The following MTSS1 variants were observed in gnomAD, a reference collection of about 807,000 sequenced individuals.
The protein encoded by MTSS1 is protein MTSS 1.
Under a neutral mutation model 79.0 loss-of-function variants are expected in MTSS1, and 18 were observed. The observed-to-expected ratio is 0.23, with a 90% confidence interval of 0.16 to 0.34. The LOEUF (loss-of-function observed/expected upper bound fraction) is 0.34. Among genes scored for constraint, MTSS1 ranks in the 10% least tolerant of loss-of-function variants. The probability of loss-of-function intolerance (pLI) is 1.00; values close to 1 mark genes in which losing one functional copy is unlikely to be tolerated. For synonymous variants in MTSS1, 341 were observed against 368.6 expected (o/e 0.93, Z 0.86); for missense variants, 815 against 986.2 (o/e 0.83, Z 2.33).
chr8:124,665,659 G>A (rs1563959829), intron 3 of MTSS1, among the ~76,000 whole-genome samples: 2 of 152,124 alleles, frequency 1.3e-5, no homozygotes, highest in Non-Finnish European at 2.9e-5. Context: ...CCTGAGGTTG[G>A]GAGTTCGAGA....
intron 11 of MTSS1, among the ~76,000 whole-genome samples, chr8:124,556,746 C>T (rs1823905488): frequency 6.6e-6 from 1 of 152,286 alleles, no homozygotes; most frequent in African/African-American, 2.4e-5. Context: ...CTTCTCCTGT[C>T]TGAAGGGACC....
At chr8:124,608,933 G>A (rs1835304017) in intron 3 of MTSS1, among the ~76,000 whole-genome samples, 1 of 152,174 alleles carries the variant, frequency 6.6e-6, no homozygotes, top group African/African-American at 2.4e-5. Flanking sequence ...GTATACACAA[G>A]GATCACCAGG....
intron 11 of MTSS1, 109 bp from the exon 12 acceptor site, chr8:124,556,514 A>C (rs1586766224): frequency 8.0e-7 from 1 of 1,247,702 alleles, no homozygotes; most frequent in East Asian, 2.5e-5. Flanking sequence ...CTTAAGGGGA[A>C]CCTCCGGCTG....
At chr8:124,722,511 A>G (rs1230919283) in intron 1 of MTSS1, among the ~76,000 whole-genome samples, 3 of 152,152 alleles carry the variant, frequency 2.0e-5, no homozygotes, top group Non-Finnish European at 4.4e-5. Flanking sequence ...CTCAGATGAA[A>G]CCTGCAGTCT....
At chr8:124,642,586 T>C (rs1818256679) in intron 3 of MTSS1, among the ~76,000 whole-genome samples, 2 of 151,270 alleles carry the variant, frequency 1.3e-5, no homozygotes, top group South Asian at 4.2e-4. Flanking sequence ...CTGGGTTTTT[T>C]CTTTTTTCTT....
chr8:124,688,168 A>G (rs1307984528), intron 3 of MTSS1, among the ~76,000 whole-genome samples: 3 of 152,064 alleles, frequency 2.0e-5, no homozygotes, highest in African/African-American at 7.2e-5. Flanking sequence ...GTATGTGCGT[A>G]CGTGTGCGTG....
rs758832185 is a variant in MTSS1 at position 124,727,985 on chromosome 8, C to A, written c.-30G>T. 26 of 1,600,330 alleles carry A rather than the reference C, an allele frequency of 1.6e-5. 1 individual carries two copies. In the East Asian group the frequency reaches 5.7e-4, roughly 35 times the overall value. ...CCGGCTCCGGCAGGGCGAGGGCACA[C>A]ACGCGGGGCCGCTGGACTGCGCGCG... On this transcript the variant is annotated 5_prime_UTR_variant, in exon 1 of 14. Transcript: ENST00000518547. This position sits in a 1 kb window ranked among gnomAD's most constrained non-coding sequence, Gnocchi z 4.7.
chr8:124,675,370 G>A (rs1025976435), intron 3 of MTSS1, among the ~76,000 whole-genome samples: 2 of 152,218 alleles, frequency 1.3e-5, no homozygotes, highest in South Asian at 4.1e-4. Flanking sequence ...GTGTAAAGGT[G>A]TGTTTGGTTC....
chr8:124,723,976 C>T (rs2135855985), intron 1 of MTSS1, among the ~76,000 whole-genome samples: 1 of 152,298 alleles, frequency 6.6e-6, no homozygotes. Context: ...ACAGCCCTTC[C>T]TTCATGACCA....
chr8:124,599,238 C>T (rs1833316526), intron 3 of MTSS1, among the ~76,000 whole-genome samples: 1 of 152,096 alleles, frequency 6.6e-6, no homozygotes, highest in South Asian at 2.1e-4. Context: ...ATCCCCAACA[C>T]TTTGGGAGGC....
intron 3 of MTSS1, among the ~76,000 whole-genome samples, chr8:124,626,516 G>C (rs1277535438): frequency 6.6e-6 from 1 of 152,028 alleles, no homozygotes; most frequent in African/African-American, 2.4e-5. Context: ...AGTCAAAGTA[G>C]CTCCAGTCAA....
chr8:124,616,944 T>A (rs1434126542), intron 3 of MTSS1, among the ~76,000 whole-genome samples: 2 of 152,234 alleles, frequency 1.3e-5, no homozygotes, highest in Non-Finnish European at 2.9e-5. Context: ...AACTGGCATT[T>A]CATCTAGAGA....
chr8:124,555,928 CA>C, intron 12 of MTSS1, 24 bp from the exon 13 acceptor site: 1 of 1,581,790 alleles, frequency 6.3e-7, no homozygotes, highest in Non-Finnish European at 8.6e-7. Context: ...GAGAGAAATA[CA>C]CAGGTTGCTT....
At chr8:124,724,792 C>A (rs531379188) in intron 1 of MTSS1, among the ~76,000 whole-genome samples, 87 of 152,250 alleles carry the variant, frequency 5.7e-4, no homozygotes, top group African/African-American at 2.0e-3. Context: ...TGGATAGAAA[C>A]TCCAAAAAGA....
chr8:124,718,892 A>T (rs1164630864), intron 1 of MTSS1, among the ~76,000 whole-genome samples: 1 of 152,054 alleles, frequency 6.6e-6, no homozygotes, highest in African/African-American at 2.4e-5. Flanking sequence ...CAACAACTTC[A>T]TGTCCGTGGC....
intron 3 of MTSS1, among the ~76,000 whole-genome samples, chr8:124,655,514 C>T (rs1820780029): frequency 6.6e-6 from 1 of 152,178 alleles, no homozygotes; most frequent in African/African-American, 2.4e-5. Context: ...CCATACGACT[C>T]AACAAATAGT....
At position 124,553,066 on chromosome 8, in the gene MTSS1, G is replaced by A. The variant is rs756404342; in HGVS notation, c.2194C>T (p.Leu732=). The A allele has an allele frequency of 3.1e-6, 5 of 1,614,130 alleles. No individual in the cohort carries two copies. Among genetic ancestry groups the A allele is most frequent in the Non-Finnish European group, 4.2e-6 (5 of 1,180,024 alleles). ...PRDTPQGEDM[L]NAIRRGVKLK... ...TTCACGCCCCTTCGGATGGCGTTCA[G>A]CATGTCTTCTCCTTGTGGAGTATCC... is the stretch of plus-strand genomic sequence containing the variant. The change falls in exon 14 of 14, where the codon CTG becomes TTG. Residue 732 remains leucine (L), a synonymous_variant. Transcript: ENST00000518547. The surrounding 1 kb of genome is among the most constrained non-coding windows in gnomAD (Gnocchi z 6.0).
At chr8:124,712,123 G>A (rs1831257930) in intron 1 of MTSS1, among the ~76,000 whole-genome samples, 1 of 152,082 alleles carries the variant, frequency 6.6e-6, no homozygotes, top group African/African-American at 2.4e-5. Context: ...TATGATTATG[G>A]ATAATTTTAT....
At position 124,727,308 on chromosome 8, in the gene MTSS1, G is replaced by A. The variant is rs1833857872; in HGVS notation, c.72+576C>T. ...CGCCCCGCGGGAGGGCTAAGAGAGG[G>A]CACGCACACCTTTACCAGCTTCGGA... On this transcript the variant is annotated intron_variant, in intron 1 of 13. Transcript: ENST00000518547. This position sits in a 1 kb window ranked among gnomAD's most constrained non-coding sequence, Gnocchi z 4.7. Among the ~76,000 whole-genome samples the A allele has an allele frequency of 6.6e-6, 1 of 152,182 alleles. No homozygotes were observed. The highest frequency in any genetic ancestry group is 1.5e-5 in the Non-Finnish European group (1 of 68,014).
Sources: allele counts gnomAD v4.1 joint callset (sites outside exome capture counted in the v4.1 genomes callset), GRCh38; gene constraint gnomAD v4.1.1; non-coding constraint Gnocchi (gnomAD v3.1); transcripts MANE v1.5; gene names NCBI Gene and HGNC (gene_info 2026-07-23, HGNC 2026-07-21).